ATP8B1: variants seen among roughly 807,000 people sequenced by gnomAD.
ATP8B1 encodes ATPase phospholipid transporting 8B1.
ATP8B1 carries 80 observed loss-of-function variants against 149.9 expected under a neutral mutation model. The observed-to-expected ratio is 0.53, with a 90% CI of 0.45 to 0.64. ATP8B1 has a LOEUF of 0.64. Among genes scored for constraint, ATP8B1 ranks in the 30% least tolerant of loss-of-function variants. The pLI is 0.00. For synonymous variants in ATP8B1, 536 were observed against 562.8 expected (o/e 0.95, Z 0.67); for missense variants, 1,247 against 1,552.6 (o/e 0.80, Z 3.31).
intron 20 of ATP8B1, 37 bp downstream of exon 20, chr18:57,667,055 G>A: frequency 1.3e-6 from 2 of 1,529,912 alleles, no homozygotes; most frequent in Non-Finnish European, 1.8e-6. Flanking sequence ...GCAAAGATGA[G>A]CTATTACGTA....
rs750691225 is a variant in ATP8B1, at chr18:57,674,834, C to A, written c.1819G>T (p.Val607Leu). ...TAGACAGACTCTGAGGGGGACTTACCAATGATAGACATTCGCTTCCGGTCA... is the reference window on the plus strand; with the variant it reads ...TAGACAGACTCTGAGGGGGACTTACAAATGATAGACATTCGCTTCCGGTCA... ...NSDRKRMSII[V>L]RTPEGNIKLY... Residue 607 changes from valine to leucine, a missense_variant and splice_region_variant, in exon 16 of 28, where the codon GTA becomes TTA. By Grantham distance (32) the Val-to-Leu change is conservative (BLOSUM62 1). Around this residue, in one of 3 missense-constraint regions of ATP8B1, gnomAD observed 853 missense variants for 1,035.7 expected, o/e 0.82. Transcript: ENST00000648908. The A allele has an allele frequency of 1.2e-6, 2 of 1,613,930 alleles. No individual in the cohort carries two copies. The highest frequency in any genetic ancestry group is 1.1e-5 in the South Asian group (1 of 90,990).
At position 57,759,017 on chromosome 18, in the gene ATP8B1, G is replaced by A. The variant is rs144093888; in HGVS notation, c.-25-27185C>T. On this transcript the variant is annotated intron_variant, in intron 1 of 27. Transcript: ENST00000648908. ...CTAAAAATACAAAAATTATCCGGGCGTGGTGGCACGCCCCTGTAGTCCCAG... is the reference window on the plus strand; with the variant it reads ...CTAAAAATACAAAAATTATCCGGGCATGGTGGCACGCCCCTGTAGTCCCAG... Among the ~76,000 whole-genome samples the A allele has an allele frequency of 2.3e-3, 351 of 151,514 alleles. 6 individuals are homozygous for A. In the East Asian group the frequency reaches 0.044, roughly 19 times the overall value.
At chr18:57,791,351 C>CTTTTTTT (rs570282416) in intron 1 of ATP8B1, among the ~76,000 whole-genome samples, 26 of 82,390 alleles carry the variant, frequency 3.2e-4, no homozygotes, top group African/African-American at 8.8e-4. Flanking sequence ...CTTTTCTTTT[C>CTTTTTTT]TTTTTTTTTT....
rs71171074 is a variant in ATP8B1 at position 57,729,549 on chromosome 18, C to CTTTTTTTTTTTTTTT, written c.181+2063_181+2077dup. Among the ~76,000 whole-genome samples, 155 of 120,686 alleles carry CTTTTTTTTTTTTTTT rather than the reference C, an allele frequency of 1.3e-3. 2 individuals carry two copies. Among genetic ancestry groups the CTTTTTTTTTTTTTTT allele is most frequent in the East Asian group, 2.8e-3 (10 of 3,628 alleles). The allele number at this position is 120,686 out of a possible 152,430, so 79.2% of individuals were successfully genotyped here. ...GGTGGGAATTCCATTTTCTTTCTTT[C>CTTTTTTTTTTTTTTT]TTTTTTTTTTTTTTTTTTGAGTTGG... On this transcript the variant is annotated intron_variant, in intron 2 of 27. Coordinates refer to ENST00000648908, the MANE Select transcript of ATP8B1 (RefSeq NM_001374385.1).
At chr18:57,712,164 A>C (rs1365437013) in intron 2 of ATP8B1, among the ~76,000 whole-genome samples, 2 of 152,016 alleles carry the variant, frequency 1.3e-5, no homozygotes, top group Non-Finnish European at 2.9e-5. Flanking sequence ...TACAAACAAA[A>C]AAGCACCTTT....
At chr18:57,762,037 C>T (rs1249826608) in intron 1 of ATP8B1, among the ~76,000 whole-genome samples, 8 of 151,472 alleles carry the variant, frequency 5.3e-5, no homozygotes, top group Middle Eastern at 3.2e-3. Flanking sequence ...CTTTCAGCCC[C>T]GTGCCTTAGT....
chr18:57,657,262 G>A lies in ATP8B1; in HGVS notation c.2708-1845C>T, dbSNP rs149998915. ...TTAAGACATTTTTTTTTTCTTTACG[G>A]GGGAAGGTTTCCAGAATATATAAAA... On this transcript the variant is annotated intron_variant, in intron 22 of 27. Transcript: ENST00000648908. Among the ~76,000 whole-genome samples, 312 of 151,886 alleles carry A rather than the reference G, an allele frequency of 2.1e-3. 1 individual carries two copies. The highest frequency in any genetic ancestry group is 3.6e-3 in the Non-Finnish European group (246 of 67,956).
chr18:57,696,547 C>CA (rs10639684), intron 8 of ATP8B1, among the ~76,000 whole-genome samples: 24,721 of 145,528 alleles, frequency 0.17, 2,921 homozygotes, highest in African/African-American at 0.33. Context: ...TTTTTTCCGC[C>CA]AAAAAAAAAA....
chr18:57,668,177 A>G (rs1206565866), intron 19 of ATP8B1: 8 of 1,417,330 alleles, frequency 5.6e-6, no homozygotes, highest in Non-Finnish European at 5.6e-6. Flanking sequence ...GAGAGATAAG[A>G]CCAATTATAA....
intron 15 of ATP8B1, among the ~76,000 whole-genome samples, chr18:57,680,934 G>A (rs4940985): frequency 0.2 from 30,166 of 152,080 alleles, 3,554 homozygotes; most frequent in South Asian, 0.29. Context: ...CTGTGCAGGC[G>A]GGAGTCTGCA....
intron 1 of ATP8B1, among the ~76,000 whole-genome samples, chr18:57,772,484 G>A (rs183441976): frequency 3.9e-4 from 60 of 152,286 alleles, no homozygotes; most frequent in African/African-American, 1.3e-3. Context: ...GTAGACAGGG[G>A]AGGAAGAAGA....
chr18:57,753,025 G>C (rs35732984), intron 1 of ATP8B1, among the ~76,000 whole-genome samples: 2 of 151,938 alleles, frequency 1.3e-5, no homozygotes, highest in Non-Finnish European at 2.9e-5. Context: ...CCAGGGTAAG[G>C]TTCCACAGAA....
At chr18:57,765,462 G>C (rs978459595) in intron 1 of ATP8B1, among the ~76,000 whole-genome samples, 2 of 152,232 alleles carry the variant, frequency 1.3e-5, no homozygotes, top group South Asian at 2.1e-4. Context: ...AAGGTCAGGA[G>C]TTCGAGACCA....
At chr18:57,651,759 G>A (rs1909633988) in intron 26 of ATP8B1, among the ~76,000 whole-genome samples, 1 of 151,830 alleles carries the variant, frequency 6.6e-6, no homozygotes, top group African/African-American at 2.4e-5. Flanking sequence ...AGCCTCTCCA[G>A]TAGCTAGAAC....
chr18:57,716,918 T>G (rs556079068), intron 2 of ATP8B1, among the ~76,000 whole-genome samples: 2 of 152,298 alleles, frequency 1.3e-5, no homozygotes, highest in African/African-American at 4.8e-5. Context: ...AGAACGTATA[T>G]TAAGTCACAG....
At chr18:57,692,376 A>G (rs1320683127) in intron 11 of ATP8B1, among the ~76,000 whole-genome samples, 5 of 150,454 alleles carry the variant, frequency 3.3e-5, no homozygotes, top group Non-Finnish European at 7.4e-5. Flanking sequence ...AACAACTTCC[A>G]ACAAGGCTGA....
chr18:57,648,852 T>TTGTGTGTGTGTGTGTGTGTGTGTGTGTG lies in ATP8B1; in HGVS notation c.3532-168_3532-141dup, dbSNP rs1161789963. The TTGTGTGTGTGTGTGTGTGTGTGTGTGTG allele has an allele frequency of 4.0e-5, 22 of 544,370 alleles. No homozygotes were observed. In the African/African-American group the frequency reaches 4.6e-4, roughly 11 times the overall value. The allele number at this position is 544,370 out of a possible 1,614,324, so 33.7% of individuals were successfully genotyped here. On this transcript the variant is annotated intron_variant, in intron 27 of 27. Transcript: ENST00000648908. ...TTGATGCAGGCAGTTCTGTCCCCAC[T>TTGTGTGTGTGTGTGTGTGTGTGTGTGTG]TGTGTGTGTGTGTGTGTGTGTGTGT...
At chr18:57,730,063 G>C (rs319430) in intron 2 of ATP8B1, among the ~76,000 whole-genome samples, 149,702 of 152,224 alleles carry the variant, frequency 0.98, 73,660 homozygotes, top group East Asian at 1. Context: ...GATGGGGCTC[G>C]CGGGGTGCAT....
At chr18:57,668,364 C>CA in intron 19 of ATP8B1, 65 bp downstream of exon 19, 9 of 1,455,386 alleles carry the variant, frequency 6.2e-6, no homozygotes, top group Non-Finnish European at 8.7e-6. Context: ...TCATCTTGGG[C>CA]AAAGGAAACG....
Sources: allele counts gnomAD v4.1 joint callset (sites outside exome capture counted in the v4.1 genomes callset), GRCh38; gene constraint gnomAD v4.1.1; regional missense constraint gnomAD v4.1.1; transcripts MANE v1.5; gene names NCBI Gene and HGNC (gene_info 2026-07-23, HGNC 2026-07-21).